The following ZCCHC7 variants were observed in gnomAD, a reference collection of about 807,000 sequenced individuals.
ZCCHC7 encodes the protein zinc finger CCHC domain-containing protein 7.
A neutral mutation model predicts 52.0 loss-of-function variants in ZCCHC7; 35 were observed. The ratio of observed to expected loss-of-function variants is 0.67; its 90% CI spans 0.51 to 0.89. The LOEUF is 0.89. ZCCHC7 is among the 40% of genes least tolerant of loss of function. The probability of loss-of-function intolerance (pLI) is 0.00; values close to 1 mark genes in which losing one functional copy is unlikely to be tolerated. For synonymous variants in ZCCHC7, 217 were observed against 221.5 expected (o/e 0.98, Z 0.18); for missense variants, 574 against 649.1 (o/e 0.88, Z 1.26).
chr9:37,216,571 G>A (rs1170385215), intron 2 of ZCCHC7, among the ~76,000 whole-genome samples: 1 of 152,160 alleles, frequency 6.6e-6, no homozygotes, highest in East Asian at 1.9e-4. Flanking sequence ...CTACTTGGGA[G>A]GCTGAGGCAG....
chr9:37,299,248 G>A (rs1828924887), intron 2 of ZCCHC7, among the ~76,000 whole-genome samples: 1 of 152,204 alleles, frequency 6.6e-6, no homozygotes, highest in South Asian at 2.1e-4. Context: ...CGTATGGAAA[G>A]TCCTCTTTAA....
intron 2 of ZCCHC7, among the ~76,000 whole-genome samples, chr9:37,168,529 CTTTACA>C (rs1413857202): frequency 6.6e-6 from 1 of 152,186 alleles, no homozygotes; most frequent in Non-Finnish European, 1.5e-5. Context: ...TAAGAATTCA[CTTTACA>C]TTTACGATCT....
intron 5 of ZCCHC7, among the ~76,000 whole-genome samples, chr9:37,322,686 G>C (rs578192095): frequency 6.7e-6 from 1 of 148,454 alleles, no homozygotes; most frequent in South Asian, 2.2e-4. Context: ...TGATGTTTCT[G>C]AATTTTTTTA....
rs554415970 is a variant in ZCCHC7 at position 37,230,334 on chromosome 9, A to G, written c.611-71854A>G. On this transcript the variant is annotated intron_variant, in intron 2 of 8. Coordinates refer to ENST00000336755, the MANE Select transcript of ZCCHC7 (RefSeq NM_032226.3). The stretch of plus-strand genomic sequence containing the variant: ...AAACATGACCCCAAACCTGTGAGTA[A>G]TGCATTGTTAAAACATAACAGTGAC... Among the ~76,000 whole-genome samples, 7 of 152,318 alleles carry G rather than the reference A, an allele frequency of 4.6e-5. No individual in the cohort carries two copies. In the East Asian group the frequency reaches 1.2e-3, roughly 25 times the overall value.
chr9:37,155,922 G>A (rs1820789939), intron 2 of ZCCHC7, among the ~76,000 whole-genome samples: 1 of 152,170 alleles, frequency 6.6e-6, no homozygotes, highest in Admixed American at 6.5e-5. Flanking sequence ...AACCTACAAA[G>A]GTAAATAAGA....
chr9:37,132,909 C>T (rs538441098), intron 2 of ZCCHC7, among the ~76,000 whole-genome samples: 89 of 152,242 alleles, frequency 5.8e-4, no homozygotes, highest in African/African-American at 2.1e-3. Context: ...GAGGCCGAGG[C>T]GGGCGGATCA....
intron 2 of ZCCHC7, among the ~76,000 whole-genome samples, chr9:37,157,284 C>G (rs1820865785): frequency 6.6e-6 from 1 of 151,208 alleles, no homozygotes; most frequent in South Asian, 2.1e-4. Flanking sequence ...ATGACTTGAG[C>G]CCAGGCGTTT....
chr9:37,313,953 G>A (rs1829704479), intron 5 of ZCCHC7, among the ~76,000 whole-genome samples: 1 of 152,188 alleles, frequency 6.6e-6, no homozygotes. Flanking sequence ...TTTAAAGTTT[G>A]AAGGAGAAAC....
chr9:37,162,657 C>A (rs1246126034), intron 2 of ZCCHC7, among the ~76,000 whole-genome samples: 1 of 152,202 alleles, frequency 6.6e-6, no homozygotes, highest in African/African-American at 2.4e-5. Flanking sequence ...TTAGAAATTA[C>A]AAAGCTGCTA....
intron 2 of ZCCHC7, among the ~76,000 whole-genome samples, chr9:37,129,052 C>T (rs1263406587): frequency 6.6e-6 from 1 of 151,986 alleles, no homozygotes. Flanking sequence ...AGAATATTTC[C>T]ATTTGGGTAT....
In ZCCHC7 at chr9:37,199,412, A is replaced by G. The variant is rs373677295; in HGVS notation, c.610+72470A>G. Among the ~76,000 whole-genome samples the G allele has an allele frequency of 1.9e-4, 27 of 144,684 alleles. No homozygotes were observed. The East Asian group carries it at 4.6e-3, about 25-fold the overall frequency. The allele number at this position is 144,684 out of a possible 152,430, so 94.9% of individuals were successfully genotyped here. On this transcript the variant is annotated intron_variant, in intron 2 of 8. Coordinates refer to ENST00000336755, the MANE Select transcript of ZCCHC7 (RefSeq NM_032226.3). The stretch of plus-strand genomic sequence containing the variant: ...AATGGTGCGATCTCAGCTCGCTGCA[A>G]CCTCCACCTCCTGGGTTCAAGCGAT...
chr9:37,197,413 A>G (rs781299758), intron 2 of ZCCHC7, among the ~76,000 whole-genome samples: 2 of 152,274 alleles, frequency 1.3e-5, no homozygotes, highest in Admixed American at 6.5e-5. Context: ...ATAACAAAGT[A>G]TAAAAAGAAC....
intron 2 of ZCCHC7, among the ~76,000 whole-genome samples, chr9:37,247,155 G>A (rs141968971): frequency 1.8e-3 from 278 of 152,190 alleles, no homozygotes; most frequent in African/African-American, 6.5e-3. Context: ...TTTAGATAAC[G>A]TATATAAGTG....
At chr9:37,288,444 G>A (rs1207894321) in intron 2 of ZCCHC7, among the ~76,000 whole-genome samples, 2 of 150,532 alleles carry the variant, frequency 1.3e-5, no homozygotes, top group East Asian at 2.0e-4. Context: ...ACCAAGTCAT[G>A]TCTTGCCATA....
rs529603086 is a variant in ZCCHC7, at chr9:37,138,441, A to G, written c.610+11499A>G. ...CTGTAGATCAGCAACATAGGGAGGC[A>G]GTCTTCCAAAGTTAATTTATGACTT... On this transcript the variant is annotated intron_variant, in intron 2 of 8. Coordinates refer to ENST00000336755, the MANE Select transcript of ZCCHC7 (RefSeq NM_032226.3). Among the ~76,000 whole-genome samples, 9 of 152,296 alleles carry G rather than the reference A, an allele frequency of 5.9e-5. No homozygotes were observed. The South Asian group carries it at 1.9e-3, about 32-fold the overall frequency.
rs141150747 is a variant in ZCCHC7 at position 37,351,716 on chromosome 9, A to G, written c.1083+2264A>G. ...AACGTCTTTTAGGGAACATATTCAC[A>G]TAAGCTTTCCATTACCACACAAATC... On this transcript the variant is annotated intron_variant, in intron 7 of 8. Transcript: ENST00000336755. Among the ~76,000 whole-genome samples the G allele has an allele frequency of 2.1e-3, 316 of 152,350 alleles. 3 individuals are homozygous for G. Among genetic ancestry groups the G allele is most frequent in the Non-Finnish European group, 3.6e-3 (242 of 68,034 alleles).
chr9:37,291,294 T>G (rs1828525114), intron 2 of ZCCHC7, among the ~76,000 whole-genome samples: 1 of 152,202 alleles, frequency 6.6e-6, no homozygotes, highest in Non-Finnish European at 1.5e-5. Flanking sequence ...GACTACGATT[T>G]TTCAGTGGAT....
At chr9:37,233,889 T>C (rs1317802205) in intron 2 of ZCCHC7, among the ~76,000 whole-genome samples, 1 of 152,200 alleles carries the variant, frequency 6.6e-6, no homozygotes, top group Non-Finnish European at 1.5e-5. Flanking sequence ...AGTCTTACTG[T>C]GTCTCCCAGG....
Position 37,304,306 on chromosome 9 carries a change from T to C in ZCCHC7, c.773T>C (p.Leu258Ser). The change falls in exon 4 of 9, where the codon TTA becomes TCA. Residue 258 changes from leucine (L) to serine (S), a missense_variant. Physicochemically the swap from Leu to Ser is moderately radical, Grantham distance 145. Coordinates refer to ENST00000336755, the MANE Select transcript of ZCCHC7 (RefSeq NM_032226.3). ...GGTCATTTATCAAAAAACTGCCCCTTACCACGAGTACGTGAAATATGCTTT... is the reference window on the plus strand; with the variant it reads ...GGTCATTTATCAAAAAACTGCCCCTCACCACGAGTACGTGAAATATGCTTT... The part of the protein sequence containing the change: ...KRGHLSKNCP[L>S]PRKVRRCFLC... 6.2e-7 allele frequency: 1 copy of C among 1,612,622 alleles called. No homozygotes were observed. The highest frequency in any genetic ancestry group is 8.5e-7 in the Non-Finnish European group (1 of 1,179,476).
Sources: gnomAD v4.1 joint callset for allele counts (sites outside exome capture counted in the v4.1 genomes callset) on GRCh38, gnomAD v4.1.1 for gene constraint, MANE v1.5 for transcripts, NCBI Gene and HGNC (gene_info 2026-07-23, HGNC 2026-07-21) for gene names.